CDH18: variants seen among roughly 807,000 people sequenced by gnomAD.
CDH18 encodes the protein cadherin 18, also known as cadherin-18.
Under a neutral mutation model 67.9 loss-of-function variants are expected in CDH18, and 31 were observed. The ratio of observed to expected loss-of-function variants is 0.46; its 90% CI spans 0.34 to 0.62. The LOEUF is 0.62. Among genes scored for constraint, CDH18 ranks in the 20% least tolerant of loss-of-function variants. The probability of loss-of-function intolerance (pLI) is 0.01; values close to 1 mark genes in which losing one functional copy is unlikely to be tolerated. For synonymous variants in CDH18, 362 were observed against 347.2 expected (o/e 1.04, Z -0.48); for missense variants, 890 against 975.5 (o/e 0.91, Z 1.17).
At chr5:19,725,170 C>T (rs2150597368) in intron 4 of CDH18, among the ~76,000 whole-genome samples, 1 of 152,130 alleles carries the variant, frequency 6.6e-6, no homozygotes, top group South Asian at 2.1e-4. Flanking sequence ...TCGTGATCCA[C>T]CCACCTCGGC....
chr5:20,243,455 A>G (rs1028607759), intron 2 of CDH18, among the ~76,000 whole-genome samples: 6 of 152,170 alleles, frequency 3.9e-5, no homozygotes, highest in Admixed American at 2.0e-4. Context: ...CAAGAAATTT[A>G]TATCTAAATA....
chr5:20,260,737 G>A (rs1026059029), intron 1 of CDH18, among the ~76,000 whole-genome samples: 1 of 152,136 alleles, frequency 6.6e-6, no homozygotes, highest in Admixed American at 6.5e-5. Flanking sequence ...ACCATAGCAG[G>A]CTGATTCTCC....
At chr5:19,901,048 T>A (rs1365141826) in intron 2 of CDH18, among the ~76,000 whole-genome samples, 1 of 152,272 alleles carries the variant, frequency 6.6e-6, no homozygotes, top group Middle Eastern at 3.4e-3. Context: ...TACTCCTTTA[T>A]AAAATTTGGA....
chr5:20,264,640 C>T (rs1200511708), intron 1 of CDH18, among the ~76,000 whole-genome samples: 2 of 152,028 alleles, frequency 1.3e-5, no homozygotes, highest in East Asian at 1.9e-4. Flanking sequence ...CCCCACAAAG[C>T]GGAAAAATCT....
At chr5:20,187,221 T>G (rs1738170542) in intron 2 of CDH18, among the ~76,000 whole-genome samples, 1 of 151,840 alleles carries the variant, frequency 6.6e-6, no homozygotes, top group Non-Finnish European at 1.5e-5. Context: ...TGGTGATAGC[T>G]TCATAACAGG....
At chr5:20,546,348 AC>A (rs1185138452) in intron 1 of CDH18, among the ~76,000 whole-genome samples, 3 of 151,934 alleles carry the variant, frequency 2.0e-5, no homozygotes, top group Non-Finnish European at 2.9e-5. Context: ...TTATAGCAGG[AC>A]CCCACTCTGC....
intron 2 of CDH18, among the ~76,000 whole-genome samples, chr5:20,107,968 C>A (rs896900537): frequency 7.1e-6 from 1 of 140,374 alleles, no homozygotes; most frequent in Non-Finnish European, 1.5e-5. Flanking sequence ...TGTTTGTGTG[C>A]CTATGTCCCA....
At chr5:19,584,964 C>A (rs1230277494) in intron 7 of CDH18, among the ~76,000 whole-genome samples, 1 of 149,104 alleles carries the variant, frequency 6.7e-6, no homozygotes, top group Non-Finnish European at 1.5e-5. Context: ...CACTGCACTC[C>A]AGCCTGGGTG....
chr5:20,250,657 C>T (rs988887877), intron 2 of CDH18, among the ~76,000 whole-genome samples: 2 of 127,586 alleles, frequency 1.6e-5, no homozygotes, highest in Non-Finnish European at 3.1e-5. Flanking sequence ...GGCTGGAGTG[C>T]AGTGGTGCCA....
At chr5:19,684,965 A>T (rs965064913) in intron 5 of CDH18, among the ~76,000 whole-genome samples, 1 of 152,058 alleles carries the variant, frequency 6.6e-6, no homozygotes, top group African/African-American at 2.4e-5. Flanking sequence ...TTCATGTTCA[A>T]AAGGAAGGAA....
At chr5:20,457,557 C>T (rs1438669780) in intron 1 of CDH18, among the ~76,000 whole-genome samples, 1 of 151,952 alleles carries the variant, frequency 6.6e-6, no homozygotes, top group Non-Finnish European at 1.5e-5. Flanking sequence ...TGCTTTGAAC[C>T]CCGATGCTCT....
chr5:19,659,811 T>G (rs1049010426), intron 5 of CDH18, among the ~76,000 whole-genome samples: 12 of 152,228 alleles, frequency 7.9e-5, no homozygotes, highest in African/African-American at 2.9e-4. Flanking sequence ...ACCTTGATCT[T>G]GGACCTCCTA....
chr5:19,509,209 G>C (rs1004292497), intron 10 of CDH18, among the ~76,000 whole-genome samples: 1 of 151,912 alleles, frequency 6.6e-6, no homozygotes, highest in African/African-American at 2.4e-5. Flanking sequence ...CAAATACCAC[G>C]CGTTCTCACT....
intron 3 of CDH18, among the ~76,000 whole-genome samples, chr5:19,793,897 C>T (rs143367579): frequency 1.8e-4 from 28 of 151,858 alleles, no homozygotes; most frequent in African/African-American, 6.5e-4. Flanking sequence ...TGTACATGTG[C>T]GAAGGAATCA....
chr5:19,738,331 A>G (rs1005225624), intron 4 of CDH18, among the ~76,000 whole-genome samples: 8 of 152,210 alleles, frequency 5.3e-5, no homozygotes, highest in Non-Finnish European at 8.8e-5. Context: ...TAAAAAAGAC[A>G]TTCTCTACTT....
chr5:19,527,731 T>C (rs904291215), intron 9 of CDH18, among the ~76,000 whole-genome samples: 2 of 151,832 alleles, frequency 1.3e-5, no homozygotes, highest in African/African-American at 4.8e-5. Flanking sequence ...TTATCCCATA[T>C]ATTTATTCAA....
intron 5 of CDH18, among the ~76,000 whole-genome samples, chr5:19,669,732 G>GA (rs1343262606): frequency 6.6e-6 from 1 of 152,094 alleles, no homozygotes; most frequent in Admixed American, 6.6e-5. Context: ...AGGATAACAA[G>GA]AAGGGCAAGG....
At chr5:19,899,552 T>C (rs1447804926) in intron 2 of CDH18, among the ~76,000 whole-genome samples, 4 of 152,048 alleles carry the variant, frequency 2.6e-5, no homozygotes, top group Non-Finnish European at 5.9e-5. Flanking sequence ...ATGAGGAGGC[T>C]CCTCAAAAAT....
At chr5:20,208,259 G>A (rs1911827) in intron 2 of CDH18, among the ~76,000 whole-genome samples, 105,790 of 151,966 alleles carry the variant, frequency 0.7, 37,464 homozygotes, top group African/African-American at 0.84. Context: ...TTATAAAACC[G>A]TCAGATCTTG....
Sources: gnomAD v4.1 joint callset for allele counts (sites outside exome capture counted in the v4.1 genomes callset) on GRCh38, gnomAD v4.1.1 for gene constraint, MANE v1.5 for transcripts, NCBI Gene and HGNC (gene_info 2026-07-23, HGNC 2026-07-21) for gene names.